SYNE1: variants seen among roughly 807,000 people sequenced by gnomAD.
SYNE1 encodes the protein nesprin-1.
Under a neutral mutation model 1,111.0 loss-of-function variants are expected in SYNE1, and 616 were observed. The ratio of observed to expected loss-of-function variants is 0.55; its 90% CI spans 0.52 to 0.59. The LOEUF (loss-of-function observed/expected upper bound fraction) is 0.59. Among genes scored for constraint, SYNE1 ranks in the 20% least tolerant of loss-of-function variants. SYNE1 has a pLI of 0.00. For synonymous variants in SYNE1, 3,855 were observed against 3,825.8 expected (o/e 1.01, Z -0.28); for missense variants, 10,006 against 10,417.0 (o/e 0.96, Z 1.72).
At chr6:152,151,807 G>A in intron 134 of SYNE1, 117 bp from the exon 135 acceptor site, 2 of 1,505,910 alleles carry the variant, frequency 1.3e-6, no homozygotes, top group Non-Finnish European at 1.8e-6. Context: ...CAAGCAATGA[G>A]AAGCCTGCAA....
intron 127 of SYNE1, among the ~76,000 whole-genome samples, chr6:152,200,564 T>C (rs2075210002): frequency 6.6e-6 from 1 of 152,146 alleles, no homozygotes; most frequent in Admixed American, 6.5e-5. Context: ...CTCTGGTTAA[T>C]TTTTAAATTT....
intron 41 of SYNE1, among the ~76,000 whole-genome samples, chr6:152,414,010 T>TAC: frequency 1.6e-4 from 8 of 48,776 alleles, no homozygotes; most frequent in African/African-American, 7.4e-4. Context: ...ATATATATAC[T>TAC]TTTTTTTTTT....
chr6:152,151,444 A>G, intron 135 of SYNE1, 109 bp downstream of exon 135: 1 of 1,418,350 alleles, frequency 7.1e-7, no homozygotes, highest in Non-Finnish European at 9.6e-7. Context: ...GCAGTCCAGA[A>G]CTAATTTTTC....
rs2075519473 is a variant in SYNE1, at chr6:152,201,823, C to T, written c.23145+1G>A. ...GTGAAAATCTCAGTTCAGTAATTTACCTTGCAACGCATTTGTTCTGCATGG... is the reference window on the plus strand; with the variant it reads ...GTGAAAATCTCAGTTCAGTAATTTATCTTGCAACGCATTTGTTCTGCATGG... On this transcript the variant is annotated splice_donor_variant, in intron 127 of 145. Coordinates refer to ENST00000367255, the MANE Select transcript of SYNE1 (RefSeq NM_182961.4). LOFTEE classifies it high-confidence loss of function. The T allele has an allele frequency of 6.2e-7, 1 of 1,613,784 alleles. No homozygotes were observed.
chr6:152,384,091 C>A (rs1421721336), intron 55 of SYNE1, among the ~76,000 whole-genome samples: 3 of 152,186 alleles, frequency 2.0e-5, no homozygotes, highest in South Asian at 4.1e-4. Context: ...TGTGTATGAT[C>A]TAATTTGCTT....
chr6:152,507,714 G>A (rs1490528392), intron 8 of SYNE1, among the ~76,000 whole-genome samples: 1 of 151,924 alleles, frequency 6.6e-6, no homozygotes, highest in African/African-American at 2.4e-5. Context: ...TATTTATTTT[G>A]TTACCTTACT....
chr6:152,268,740 T>A (rs2092955413), intron 99 of SYNE1, among the ~76,000 whole-genome samples: 1 of 152,182 alleles, frequency 6.6e-6, no homozygotes, highest in Non-Finnish European at 1.5e-5. Context: ...TGTAACGACA[T>A]CTACTTGAAA....
chr6:152,181,906 C>T (rs61684587), intron 128 of SYNE1, among the ~76,000 whole-genome samples: 12,144 of 152,144 alleles, frequency 0.08, 677 homozygotes, highest in African/African-American at 0.16. Context: ...TAGTAGGATT[C>T]CAATTTCTCT....
chr6:152,537,804 C>G (rs906158642), intron 4 of SYNE1, among the ~76,000 whole-genome samples: 1 of 152,168 alleles, frequency 6.6e-6, no homozygotes, highest in Non-Finnish European at 1.5e-5. Flanking sequence ...CTGAACAGCT[C>G]CCAGTGCTCC....
intron 1 of SYNE1, 117 bp downstream of exon 1, chr6:152,637,072 C>T (rs2099706999): frequency 6.6e-6 from 1 of 152,428 alleles, no homozygotes; most frequent in Admixed American, 6.5e-5. Context: ...CTGCACCGCC[C>T]TGGCCCGCCA....
intron 28 of SYNE1, 146 bp from the exon 29 acceptor site, chr6:152,447,768 C>T: frequency 1.1e-6 from 1 of 927,144 alleles, no homozygotes; most frequent in South Asian, 1.4e-5. Context: ...GCTTAGTTTA[C>T]TTTTTGTATG....
At chr6:152,519,442 C>T (rs1609125) in intron 6 of SYNE1, among the ~76,000 whole-genome samples, 52,347 of 151,936 alleles carry the variant, frequency 0.34, 9,427 homozygotes, top group East Asian at 0.46. Context: ...GAGCTCTTAG[C>T]GGTCAAAGCT....
At position 152,122,295 on chromosome 6, in the gene SYNE1, A is replaced by G. The variant is rs1238984190; in HGVS notation, c.*141T>C. On this transcript the variant is annotated 3_prime_UTR_variant, in exon 146 of 146. Transcript: ENST00000367255. Reference sequence around the variant, plus strand: ...CCACCTCTGAAGCCATAATTTGCACACATGTGATCTGGAGGAGGGCTAAAG... The same window carrying G: ...CCACCTCTGAAGCCATAATTTGCACGCATGTGATCTGGAGGAGGGCTAAAG... 1 of 1,325,198 alleles carries G rather than the reference A, an allele frequency of 7.5e-7. No homozygotes were observed. Among genetic ancestry groups the G allele is most frequent in the African/African-American group, 1.4e-5 (1 of 69,188 alleles). 82.1% of individuals were successfully genotyped at this position (1,325,198 alleles called of 1,614,324 possible).
At chr6:152,360,661 TC>T (rs1432912977) in intron 64 of SYNE1, among the ~76,000 whole-genome samples, 2 of 152,204 alleles carry the variant, frequency 1.3e-5, no homozygotes, top group African/African-American at 4.8e-5. Flanking sequence ...TCGGGCACAG[TC>T]CCTACATGTA....
chr6:152,376,358 GAATT>G lies in SYNE1; in HGVS notation c.9324+19_9324+22del. 1 of 1,612,472 alleles carries G rather than the reference GAATT, an allele frequency of 6.2e-7. No homozygotes were observed. The highest frequency in any genetic ancestry group is 8.5e-7 in the Non-Finnish European group (1 of 1,178,750). On this transcript the variant is annotated intron_variant, in intron 58 of 145. Coordinates refer to ENST00000367255, the MANE Select transcript of SYNE1 (RefSeq NM_182961.4). The stretch of plus-strand genomic sequence containing the variant: ...TTAGTTCACATCAGCACTGCTACTA[GAATT>G]AATTGATAACACCCTTACCTGTATT...
intron 51 of SYNE1, among the ~76,000 whole-genome samples, chr6:152,392,700 T>TAAAAC (rs1171876195): frequency 6.6e-6 from 1 of 152,058 alleles, no homozygotes; most frequent in African/African-American, 2.4e-5. Context: ...TAAAATAAAA[T>TAAAAC]AAAATAAAAA....
intron 84 of SYNE1, among the ~76,000 whole-genome samples, chr6:152,320,513 A>G (rs1346785638): frequency 6.6e-6 from 1 of 152,194 alleles, no homozygotes; most frequent in Non-Finnish European, 1.5e-5. Flanking sequence ...TAAGCCACCA[A>G]GAGAGTCCGA....
chr6:152,378,493 G>T (rs900550821), intron 56 of SYNE1, among the ~76,000 whole-genome samples: 4 of 152,104 alleles, frequency 2.6e-5, no homozygotes, highest in Non-Finnish European at 2.9e-5. Context: ...CTGTGTCTTA[G>T]CTCCTTTCAT....
Position 152,301,936 on chromosome 6 carries a change from G to A in SYNE1, c.17474C>T (p.Ala5825Val), listed in dbSNP as rs1162480263. Residue 5825 changes from alanine to valine, a missense_variant, in exon 92 of 146, where the codon GCG becomes GTG. Physicochemically the swap from Ala to Val is moderately conservative, Grantham distance 64. Coordinates refer to ENST00000367255, the MANE Select transcript of SYNE1 (RefSeq NM_182961.4). ...LLTVTEVEGL[A>V]EGTEDLDGEL... ...CCCATCCAGGTCCTCTGTCCCTTCC[G>A]CCAGCCCCTCGACCTCGGTCACCGT... 3.7e-6 allele frequency: 6 copies of A among 1,614,022 alleles called. No individual in the cohort carries two copies. The highest frequency in any genetic ancestry group is 1.3e-5 in the African/African-American group (1 of 74,934).
Sources: gnomAD v4.1 joint callset for allele counts (sites outside exome capture counted in the v4.1 genomes callset) on GRCh38, gnomAD v4.1.1 for gene constraint, MANE v1.5 for transcripts, NCBI Gene and HGNC (gene_info 2026-07-23, HGNC 2026-07-21) for gene names.